RPTOR: variants seen among roughly 807,000 people sequenced by gnomAD.
RPTOR encodes regulatory-associated protein of mTOR.
Under a neutral mutation model 169.9 loss-of-function variants are expected in RPTOR, and 21 were observed. The ratio of observed to expected loss-of-function variants is 0.12; its 90% confidence interval spans 0.09 to 0.18. RPTOR has a LOEUF of 0.18. Ranked by LOEUF, RPTOR falls within the 10% of genes least tolerant of loss-of-function variation. RPTOR has a pLI of 1.00. For synonymous variants in RPTOR, 732 were observed against 753.2 expected, an observed-to-expected ratio of 0.97 and a Z score of 0.46; for missense variants, 1,133 against 1,855.9, an observed-to-expected ratio of 0.61 and a Z score of 7.16.
rs1250019431 is a variant in RPTOR at position 80,707,019 on chromosome 17, A to T, written c.349-822A>T. 6.6e-6 allele frequency among the ~76,000 whole-genome samples: 1 copy of T among 151,862 alleles called. No homozygotes were observed. Among genetic ancestry groups the T allele is most frequent in the African/African-American group, 2.4e-5 (1 of 41,308 alleles). On this transcript the variant is annotated intron_variant, in intron 3 of 33. Coordinates refer to ENST00000306801, the MANE Select transcript of RPTOR (RefSeq NM_020761.3). The surrounding 1 kb of genome is among the most constrained non-coding windows in gnomAD (Gnocchi z 5.0). ...TCTTTGCCATGATGTTCCTTTGTTT[A>T]TTATTTGTGTATATCAAGGCTATTG... is the stretch of plus-strand genomic sequence containing the variant.
intron 20 of RPTOR, among the ~76,000 whole-genome samples, chr17:80,903,125 G>A (rs186148033): frequency 3.3e-5 from 5 of 152,326 alleles, no homozygotes; most frequent in Admixed American, 2.0e-4. Flanking sequence ...GGGAGGGGAG[G>A]GCGAGAAAGG....
chr17:80,563,804 G>A (rs961722923), intron 1 of RPTOR, among the ~76,000 whole-genome samples: 2 of 152,028 alleles, frequency 1.3e-5, no homozygotes, highest in Non-Finnish European at 2.9e-5. Context: ...GAACAGCCCC[G>A]CCTTGAAGAT....
chr17:80,929,908 T>C (rs1225683382), intron 24 of RPTOR, among the ~76,000 whole-genome samples: 1 of 152,158 alleles, frequency 6.6e-6, no homozygotes, highest in Non-Finnish European at 1.5e-5. Flanking sequence ...AGAATGACAC[T>C]CTGTGTGACA....
chr17:80,947,819 C>T lies in RPTOR; in HGVS notation c.3265+468C>T, dbSNP rs1188983896. On this transcript the variant is annotated intron_variant, in intron 27 of 33. Transcript: ENST00000306801. This position sits in a 1 kb window ranked among gnomAD's most constrained non-coding sequence, Gnocchi z 4.4. ...ACCCTCCTCCAGTCCCGTCCTGCAC[C>T]TGAAAGGACATCGTTGACCATCATG... 6.6e-6 allele frequency among the ~76,000 whole-genome samples: 1 copy of T among 152,208 alleles called. No individual in the cohort carries two copies. The highest frequency in any genetic ancestry group is 2.4e-5 in the African/African-American group (1 of 41,456).
chr17:80,696,971 C>T (rs2066042231), intron 3 of RPTOR, among the ~76,000 whole-genome samples: 1 of 152,214 alleles, frequency 6.6e-6, no homozygotes, highest in African/African-American at 2.4e-5. Flanking sequence ...CCGTCGCCCC[C>T]TGGCCCCATC....
At chr17:80,904,878 A>G (rs942639922) in intron 20 of RPTOR, among the ~76,000 whole-genome samples, 3 of 152,260 alleles carry the variant, frequency 2.0e-5, no homozygotes, top group Non-Finnish European at 4.4e-5. Flanking sequence ...GTACATAGTT[A>G]TAAAATCCAC....
At chr17:80,702,805 G>A (rs1020942588) in intron 3 of RPTOR, among the ~76,000 whole-genome samples, 2 of 152,160 alleles carry the variant, frequency 1.3e-5, no homozygotes, top group Non-Finnish European at 2.9e-5. Flanking sequence ...TCTGTGTGGC[G>A]TGGAAGAACA....
chr17:80,893,894 G>A (rs752775700), intron 20 of RPTOR, 29 bp downstream of exon 20: 162 of 1,505,118 alleles, frequency 1.1e-4, no homozygotes, highest in Non-Finnish European at 1.3e-4. Context: ...TTCTGCTTCC[G>A]AGGGGCCCCG....
rs2068778172 is a variant in RPTOR, at chr17:80,923,840, T to A, written c.2808+167T>A. On this transcript the variant is annotated intron_variant, in intron 23 of 33. Transcript: ENST00000306801. ...TCTCTGCCTTTGCAGACCCGGGTGC[T>A]GGTCCTCACTCGTGCACCCCTCTGC... 7 of 715,930 alleles carry A rather than the reference T, an allele frequency of 9.8e-6. No individual in the cohort carries two copies. The South Asian group carries it at 1.2e-4, about 12-fold the overall frequency. 44.3% of individuals were successfully genotyped at this position (715,930 alleles called of 1,614,324 possible).
chr17:80,641,831 T>C (rs1599628428), intron 2 of RPTOR, among the ~76,000 whole-genome samples: 1 of 152,200 alleles, frequency 6.6e-6, no homozygotes, highest in Non-Finnish European at 1.5e-5. Context: ...TTGCTGAAGG[T>C]AGGGGTGACT....
At chr17:80,885,270 C>T (rs62070511) in intron 17 of RPTOR, 122 bp downstream of exon 17, 154 of 1,127,900 alleles carry the variant, frequency 1.4e-4, no homozygotes, top group Non-Finnish European at 1.6e-4. Context: ...CGTGTCATTG[C>T]GAGAGCAGAT....
At chr17:80,678,951 T>C (rs1202724725) in intron 3 of RPTOR, among the ~76,000 whole-genome samples, 1 of 152,244 alleles carries the variant, frequency 6.6e-6, no homozygotes, top group East Asian at 1.9e-4. Flanking sequence ...TTTGTGTTTG[T>C]TTTATTCCAA....
At chr17:80,615,995 A>G (rs150994098) in intron 1 of RPTOR, among the ~76,000 whole-genome samples, 1 of 152,256 alleles carries the variant, frequency 6.6e-6, no homozygotes, top group East Asian at 1.9e-4. Context: ...AAGCAGAACA[A>G]AGCTCTGAGC....
intron 24 of RPTOR, 103 bp from the exon 25 acceptor site, chr17:80,940,393 C>T: frequency 2.3e-6 from 2 of 863,262 alleles, no homozygotes; most frequent in East Asian, 5.4e-5. Context: ...CTGAGCCGCG[C>T]AGGTTTTGCT....
At chr17:80,881,537 G>T (rs2068186062) in intron 14 of RPTOR, among the ~76,000 whole-genome samples, 1 of 152,252 alleles carries the variant, frequency 6.6e-6, no homozygotes, top group Non-Finnish European at 1.5e-5. Flanking sequence ...ATGAAAAGGA[G>T]GCTGGGTATG....
At chr17:80,849,580 C>T (rs1435976105) in intron 11 of RPTOR, among the ~76,000 whole-genome samples, 2 of 152,172 alleles carry the variant, frequency 1.3e-5, no homozygotes, top group Non-Finnish European at 2.9e-5. Context: ...AGTGCAGTGG[C>T]GCGGTCTCAG....
chr17:80,643,661 G>C, intron 2 of RPTOR, 67 bp from the exon 3 acceptor site: 1 of 1,194,778 alleles, frequency 8.4e-7, no homozygotes, highest in Non-Finnish European at 1.2e-6. Flanking sequence ...AGAAACTGTG[G>C]AAGAGAGGCC....
At chr17:80,725,580 C>T (rs1375363149) in intron 4 of RPTOR, among the ~76,000 whole-genome samples, 2 of 152,174 alleles carry the variant, frequency 1.3e-5, no homozygotes, top group Non-Finnish European at 2.9e-5. Context: ...GAATATTCCA[C>T]AGGACAACGA....
At chr17:80,790,671 A>C (rs1407864352) in intron 6 of RPTOR, among the ~76,000 whole-genome samples, 11 of 151,730 alleles carry the variant, frequency 7.2e-5, no homozygotes, top group African/African-American at 2.4e-4. Context: ...GCCATCACTC[A>C]CTTCCAGCCA....
Sources: gnomAD v4.1 joint callset for allele counts (sites outside exome capture counted in the v4.1 genomes callset) on GRCh38, gnomAD v4.1.1 for gene constraint, Gnocchi (gnomAD v3.1) non-coding constraint, MANE v1.5 for transcripts, NCBI Gene and HGNC (gene_info 2026-07-23, HGNC 2026-07-21) for gene names.